DLC1: variants seen among roughly 807,000 people sequenced by gnomAD.
DLC1 encodes rho GTPase-activating protein 7.
In DLC1, 54 loss-of-function variants were observed where a neutral mutation model predicts 140.3. The observed-to-expected ratio is 0.38, with a 90% CI of 0.31 to 0.48. DLC1 has a LOEUF of 0.48. DLC1 is among the 20% of genes least tolerant of loss of function. The probability of loss-of-function intolerance (pLI) is 0.96; values close to 1 mark genes in which losing one functional copy is unlikely to be tolerated. For synonymous variants in DLC1, 986 were observed against 728.1 expected, an observed-to-expected ratio of 1.35 and a Z score of -5.70; for missense variants, 2,536 against 1,907.0, an observed-to-expected ratio of 1.33 and a Z score of -6.14.
intron 1 of DLC1, among the ~76,000 whole-genome samples, chr8:13,512,263 C>A (rs1490451120): frequency 1.3e-5 from 2 of 152,036 alleles, no homozygotes; most frequent in East Asian, 3.9e-4. Flanking sequence ...GTGACACATT[C>A]TCTCTAAGGA....
At chr8:13,420,908 C>G (rs943479760) in intron 2 of DLC1, among the ~76,000 whole-genome samples, 1 of 152,074 alleles carries the variant, frequency 6.6e-6, no homozygotes, top group Admixed American at 6.6e-5. Context: ...CCCCATGTGG[C>G]AGAAAGACCA....
chr8:13,189,782 T>C (rs201875174), intron 5 of DLC1, among the ~76,000 whole-genome samples: 1 of 151,928 alleles, frequency 6.6e-6, no homozygotes, highest in African/African-American at 2.4e-5. Flanking sequence ...CTCGGGAGGC[T>C]GAGGCAGGAG....
chr8:13,363,016 T>G (rs527593095), intron 4 of DLC1, among the ~76,000 whole-genome samples: 1 of 152,084 alleles, frequency 6.6e-6, no homozygotes, highest in African/African-American at 2.4e-5. Flanking sequence ...TCAGTAATTG[T>G]GCATTACCCT....
intron 5 of DLC1, among the ~76,000 whole-genome samples, chr8:13,202,646 A>G (rs1827453151): frequency 6.6e-6 from 1 of 151,996 alleles, no homozygotes; most frequent in African/African-American, 2.4e-5. Flanking sequence ...TCAAAACTGA[A>G]GTTCCCCCCA....
intron 5 of DLC1, among the ~76,000 whole-genome samples, chr8:13,284,904 G>A (rs1198665123): frequency 1.3e-5 from 2 of 152,142 alleles, no homozygotes; most frequent in Non-Finnish European, 2.9e-5. Flanking sequence ...AAATGGAGAT[G>A]TACCATTTAT....
chr8:13,227,643 T>C (rs1828859332), intron 5 of DLC1, among the ~76,000 whole-genome samples: 5 of 152,200 alleles, frequency 3.3e-5, no homozygotes, highest in African/African-American at 1.2e-4. Flanking sequence ...ATTTACTGTG[T>C]GACCGTAGAC....
intron 1 of DLC1, among the ~76,000 whole-genome samples, chr8:13,601,830 T>C (rs148104618): frequency 1.1e-3 from 169 of 151,908 alleles, no homozygotes; most frequent in African/African-American, 4.0e-3. Flanking sequence ...ACACCCTTCT[T>C]TGGTGATTTT....
chr8:13,468,717 C>A (rs974072253), intron 2 of DLC1, among the ~76,000 whole-genome samples: 4 of 150,418 alleles, frequency 2.7e-5, no homozygotes, highest in Non-Finnish European at 5.9e-5. Flanking sequence ...TCTTTCTTAC[C>A]TTGATGGAGG....
chr8:13,169,692 T>A (rs954545608), intron 5 of DLC1, among the ~76,000 whole-genome samples: 2 of 152,040 alleles, frequency 1.3e-5, no homozygotes, highest in East Asian at 1.9e-4. Flanking sequence ...AGTCTGCAGG[T>A]GTTATTGCCT....
chr8:13,564,105 CT>C (rs1163116386), intron 1 of DLC1, among the ~76,000 whole-genome samples: 1 of 152,016 alleles, frequency 6.6e-6, no homozygotes, highest in African/African-American at 2.4e-5. Flanking sequence ...TATATTATTA[CT>C]TTTGCAAAAA....
chr8:13,459,317 C>T (rs1023995016), intron 2 of DLC1, among the ~76,000 whole-genome samples: 9 of 152,030 alleles, frequency 5.9e-5, no homozygotes, highest in African/African-American at 2.2e-4. Context: ...GGGTGTTGAC[C>T]TTCTCTGGAT....
chr8:13,325,541 A>C (rs1563266), intron 4 of DLC1, among the ~76,000 whole-genome samples: 1 of 151,994 alleles, frequency 6.6e-6, no homozygotes, highest in Non-Finnish European at 1.5e-5. Flanking sequence ...ATGAGTGGGT[A>C]GTTTCTGAAG....
rs560849726 is a variant in DLC1 at position 13,357,748 on chromosome 8, A to G, written c.1314+35805T>C. Among the ~76,000 whole-genome samples the G allele has an allele frequency of 2.0e-5, 3 of 152,314 alleles. No homozygotes were observed. The South Asian group carries it at 6.2e-4, about 32-fold the overall frequency. On this transcript the variant is annotated intron_variant, in intron 4 of 17. Coordinates refer to ENST00000276297, the MANE Select transcript of DLC1 (RefSeq NM_182643.3). The stretch of plus-strand genomic sequence containing the variant: ...TTACAGTAGTTGAGATATGTTTGCA[A>G]TAGATATGTTGAACTCTTATGAAAA...
rs78071671 is a variant in DLC1 at position 13,423,697 on chromosome 8, A to G, written c.1024-22078T>C. On this transcript the variant is annotated intron_variant, in intron 2 of 17. Coordinates refer to ENST00000276297, the MANE Select transcript of DLC1 (RefSeq NM_182643.3). ...TGAATTTGATAAAATTCTTATTTAC[A>G]TTTTATTCAACCACAGATGTTTACT... 5.8e-3 allele frequency among the ~76,000 whole-genome samples: 882 copies of G among 152,222 alleles called. 3 individuals carry two copies. Among genetic ancestry groups the G allele is most frequent in the Non-Finnish European group, 8.5e-3 (579 of 67,998 alleles).
intron 2 of DLC1, among the ~76,000 whole-genome samples, chr8:13,484,120 G>A (rs1800862550): frequency 6.6e-6 from 1 of 152,050 alleles, no homozygotes; most frequent in South Asian, 2.1e-4. Flanking sequence ...AAGACAATCT[G>A]AGCTGCAGTG....
chr8:13,410,978 A>G (rs949283035), intron 2 of DLC1, among the ~76,000 whole-genome samples: 1 of 152,224 alleles, frequency 6.6e-6, no homozygotes, highest in Non-Finnish European at 1.5e-5. Context: ...ATGGGTTTTT[A>G]AAAAATGAAC....
intron 1 of DLC1, among the ~76,000 whole-genome samples, chr8:13,535,113 GT>G (rs1803232313): frequency 6.6e-6 from 1 of 152,164 alleles, no homozygotes; most frequent in African/African-American, 2.4e-5. Context: ...CCCCTTTGCA[GT>G]TGATATCTTT....
At chr8:13,109,230 G>A (rs1372707) in intron 7 of DLC1, among the ~76,000 whole-genome samples, 45,214 of 151,896 alleles carry the variant, frequency 0.3, 7,658 homozygotes, top group East Asian at 0.55. Context: ...AATACTGGGT[G>A]TCATTCTACC....
intron 1 of DLC1, among the ~76,000 whole-genome samples, chr8:13,542,830 G>A: frequency 6.6e-6 from 1 of 151,972 alleles, no homozygotes; most frequent in East Asian, 1.9e-4. Flanking sequence ...TTTGAGACAT[G>A]GTTAAATCAG....
Sources: allele counts gnomAD v4.1 joint callset (sites outside exome capture counted in the v4.1 genomes callset), GRCh38; gene constraint gnomAD v4.1.1; transcripts MANE v1.5; gene names NCBI Gene and HGNC (gene_info 2026-07-23, HGNC 2026-07-21).